Variants in CNNM2 observed in about 807,000 individuals in gnomAD.
CNNM2 encodes the protein metal transporter CNNM2.
A neutral mutation model predicts 66.9 loss-of-function variants in CNNM2; 12 were observed. The ratio of observed to expected loss-of-function variants is 0.18; its 90% CI spans 0.11 to 0.29. The LOEUF (loss-of-function observed/expected upper bound fraction) is 0.29, where lower values mean the gene tolerates loss of function less well. CNNM2 is among the 10% of genes least tolerant of loss of function. The pLI, the probability that CNNM2 is intolerant of heterozygous loss-of-function variation, is 1.00. For missense variants in CNNM2, 705 were observed against 1,167.7 expected, an observed-to-expected ratio of 0.60 and a Z score of 5.77; for synonymous variants, 557 against 501.8, an observed-to-expected ratio of 1.11 and a Z score of -1.47.
rs1193882657 is a variant in CNNM2 at position 103,082,411 on chromosome 10, C to T, written c.*5231C>T. The T allele has an allele frequency of 6.6e-6, 1 of 152,210 alleles. No homozygotes were observed. The highest frequency in any genetic ancestry group is 1.5e-5 in the Non-Finnish European group (1 of 68,040). 9.4% of individuals were successfully genotyped at this position (152,210 alleles called of 1,614,324 possible). ...GGGAAGAATGAGGTCTTAGGATTCT[C>T]ATTCCCCAGAGAGCCCCAGCCTCGC... On this transcript the variant is annotated 3_prime_UTR_variant, in exon 8 of 8. Coordinates refer to ENST00000369878, the MANE Select transcript of CNNM2 (RefSeq NM_017649.5).
chr10:102,971,781 C>CA (rs1191193603), intron 1 of CNNM2, among the ~76,000 whole-genome samples: 2 of 152,118 alleles, frequency 1.3e-5, no homozygotes, highest in Non-Finnish European at 2.9e-5. Flanking sequence ...CCGTGTGTTT[C>CA]AGTTGGCCTT....
Position 103,068,741 on chromosome 10 carries a change from C to T in CNNM2, c.2167+19C>T, listed in dbSNP as rs371887491. On this transcript the variant is annotated intron_variant, in intron 5 of 7. Coordinates refer to ENST00000369878, the MANE Select transcript of CNNM2 (RefSeq NM_017649.5). ...TCTCCAGGTATGTTTGGTTCCCAGC[C>T]GCATAGGGCAGGACCACGTGTTAGG... is the stretch of plus-strand genomic sequence containing the variant. The T allele has an allele frequency of 2.3e-3, 3,681 of 1,594,206 alleles. 7 individuals are homozygous for T. The highest frequency in any genetic ancestry group is 3.0e-3 in the Non-Finnish European group (3,532 of 1,165,074).
At chr10:103,031,838 CGG>C (rs5787480) in intron 1 of CNNM2, among the ~76,000 whole-genome samples, 2 of 142,846 alleles carry the variant, frequency 1.4e-5, no homozygotes, top group Admixed American at 6.8e-5. Flanking sequence ...GTACAAAATG[CGG>C]GGGGGGCGTG....
At chr10:103,031,948 G>T (rs1022923682) in intron 1 of CNNM2, among the ~76,000 whole-genome samples, 5 of 152,172 alleles carry the variant, frequency 3.3e-5, no homozygotes, top group Non-Finnish European at 5.9e-5. Context: ...GAAATATTGA[G>T]CATTAGCAAT....
At chr10:103,047,524 C>T (rs559643789) in intron 1 of CNNM2, among the ~76,000 whole-genome samples, 1 of 152,200 alleles carries the variant, frequency 6.6e-6, no homozygotes, top group South Asian at 2.1e-4. Context: ...TGTACCAATG[C>T]CAATTTTTTA....
rs2065718103 is a variant in CNNM2, at chr10:103,078,004, G to A, written c.*824G>A. ...CTTCATCCTGTCATTCCAGCCTGGG[G>A]TCTGCCAGCCAGCCCTCCTCCCCGA... is the stretch of plus-strand genomic sequence containing the variant. On this transcript the variant is annotated 3_prime_UTR_variant, in exon 8 of 8. Coordinates refer to ENST00000369878, the MANE Select transcript of CNNM2 (RefSeq NM_017649.5). 6.6e-6 allele frequency: 1 copy of A among 152,644 alleles called. No individual in the cohort carries two copies. The highest frequency in any genetic ancestry group is 1.5e-5 in the Non-Finnish European group (1 of 68,054). 9.5% of individuals were successfully genotyped at this position (152,644 alleles called of 1,614,324 possible).
intron 1 of CNNM2, among the ~76,000 whole-genome samples, chr10:102,972,288 A>G (rs1444993866): frequency 6.6e-6 from 1 of 152,114 alleles, no homozygotes. Flanking sequence ...TTCTTCGTAG[A>G]TAAAATGTGG....
chr10:103,089,479 C>T lies in CNNM2; in HGVS notation c.*12299C>T. 1.1e-6 allele frequency: 1 copy of T among 934,818 alleles called. No homozygotes were observed. The highest frequency in any genetic ancestry group is 1.5e-6 in the Non-Finnish European group (1 of 678,316). 57.9% of individuals were successfully genotyped at this position (934,818 alleles called of 1,614,324 possible). On this transcript the variant is annotated 3_prime_UTR_variant, in exon 8 of 8. Transcript: ENST00000369878. ...ATACAGACTCCATTACAATTTTGGA[C>T]CATCTGCAGAGAGTACAGATACACA...
chr10:102,987,200 A>G (rs1284821237), intron 1 of CNNM2, among the ~76,000 whole-genome samples: 1 of 152,200 alleles, frequency 6.6e-6, no homozygotes, highest in African/African-American at 2.4e-5. Flanking sequence ...AGAGAACCAT[A>G]AAGAAAATGA....
At chr10:103,003,344 C>G (rs2134259006) in intron 1 of CNNM2, among the ~76,000 whole-genome samples, 1 of 152,182 alleles carries the variant, frequency 6.6e-6, no homozygotes, top group East Asian at 1.9e-4. Context: ...CAACCTCTGA[C>G]CTCAGGTAAT....
intron 4 of CNNM2, among the ~76,000 whole-genome samples, chr10:103,057,463 T>G (rs1357425305): frequency 6.6e-6 from 1 of 151,252 alleles, no homozygotes; most frequent in Non-Finnish European, 1.5e-5. Flanking sequence ...AAAACCCTGT[T>G]TTAAAAAAAA....
intron 1 of CNNM2, among the ~76,000 whole-genome samples, chr10:102,975,289 C>T (rs941561394): frequency 6.6e-6 from 1 of 152,088 alleles, no homozygotes; most frequent in African/African-American, 2.4e-5. Context: ...AATTGGCACT[C>T]ATAATATACT....
intron 2 of CNNM2, among the ~76,000 whole-genome samples, chr10:103,053,699 C>G (rs1410075520): frequency 6.6e-6 from 1 of 152,186 alleles, no homozygotes; most frequent in Non-Finnish European, 1.5e-5. Context: ...CTCTCTGGCC[C>G]TTTTCGGAGG....
At position 102,919,655 on chromosome 10, in the gene CNNM2, C is replaced by G; in HGVS notation, c.1175C>G (p.Pro392Arg). ...ATGATGACCTTCCCCGCTTCCTACC[C>G]GGTCAGCAAGCTGCTGGACTGCGTC... ...FMMMTFPASY[P>R]VSKLLDCVLG... is the part of the protein sequence containing the mutation. The change falls in exon 1 of 8, where the codon CCG (proline) becomes CGG (arginine). Residue 392 changes from proline (P) to arginine (R), a missense_variant. Physicochemically the swap from Pro to Arg is moderately radical, Grantham distance 103. Coordinates refer to ENST00000369878, the MANE Select transcript of CNNM2 (RefSeq NM_017649.5). The G allele has an allele frequency of 6.2e-7, 1 of 1,614,188 alleles. No individual in the cohort carries two copies. The highest frequency in any genetic ancestry group is 8.5e-7 in the Non-Finnish European group (1 of 1,180,042).
chr10:103,040,715 G>C (rs2134316675), intron 1 of CNNM2, among the ~76,000 whole-genome samples: 1 of 152,234 alleles, frequency 6.6e-6, no homozygotes, highest in South Asian at 2.1e-4. Context: ...CAAGCTGTGG[G>C]GTGAGGAGGC....
intron 1 of CNNM2, among the ~76,000 whole-genome samples, chr10:103,034,350 C>CAAAACA (rs2064888855): frequency 6.8e-6 from 1 of 147,016 alleles, no homozygotes; most frequent in African/African-American, 2.5e-5. Context: ...CAAAACAAAA[C>CAAAACA]AAAAAAAACC....
chr10:102,931,379 A>G (rs2134166682), intron 1 of CNNM2, among the ~76,000 whole-genome samples: 1 of 136,858 alleles, frequency 7.3e-6, no homozygotes, highest in Middle Eastern at 3.8e-3. Context: ...TTTTTTCGAG[A>G]CAGTTTCACT....
At chr10:102,976,496 TGATTGCAGCTTA>T (rs1336845412) in intron 1 of CNNM2, among the ~76,000 whole-genome samples, 6 of 132,522 alleles carry the variant, frequency 4.5e-5, no homozygotes, top group South Asian at 2.4e-4. Flanking sequence ...TGCAGGGGTG[TGATTGCAGCTTA>T]GATTGCAGCT....
At chr10:103,055,523 C>T (rs999775389) in intron 3 of CNNM2, among the ~76,000 whole-genome samples, 2 of 152,262 alleles carry the variant, frequency 1.3e-5, no homozygotes, top group African/African-American at 4.8e-5. Context: ...TACATGAGCA[C>T]ACGTGCCTGG....
Sources: gnomAD v4.1 joint callset for allele counts (sites outside exome capture counted in the v4.1 genomes callset) on GRCh38, gnomAD v4.1.1 for gene constraint, MANE v1.5 for transcripts, NCBI Gene and HGNC (gene_info 2026-07-23, HGNC 2026-07-21) for gene names.